VPS13B: variants seen among roughly 807,000 people sequenced by gnomAD.
VPS13B encodes vacuolar protein sorting 13 homolog B, also known as intermembrane lipid transfer protein VPS13B.
In VPS13B, 285 loss-of-function variants were observed where a neutral mutation model predicts 426.4. The ratio of observed to expected loss-of-function variants is 0.67; its 90% confidence interval spans 0.61 to 0.74. The LOEUF (loss-of-function observed/expected upper bound fraction) is 0.74. VPS13B is among the 30% of genes least tolerant of loss of function. The pLI is 0.00. For missense variants in VPS13B, 4,537 were observed against 4,782.6 expected, an observed-to-expected ratio of 0.95 and a Z score of 1.51; for synonymous variants, 1,676 against 1,676.4, an observed-to-expected ratio of 1.00 and a Z score of 0.01.
At chr8:99,383,382 C>T (rs1813936752) in intron 19 of VPS13B, among the ~76,000 whole-genome samples, 1 of 151,880 alleles carries the variant, frequency 6.6e-6, no homozygotes, top group Non-Finnish European at 1.5e-5. Flanking sequence ...AATATTTTAC[C>T]TAAAGTATTC....
chr8:99,680,576 T>C (rs1289667873), intron 35 of VPS13B, among the ~76,000 whole-genome samples: 1 of 152,202 alleles, frequency 6.6e-6, no homozygotes, highest in Non-Finnish European at 1.5e-5. Context: ...CAGGCATGGG[T>C]TTACTTAAAG....
At chr8:99,497,350 C>T (rs1307289491) in intron 25 of VPS13B, among the ~76,000 whole-genome samples, 1 of 139,198 alleles carries the variant, frequency 7.2e-6, no homozygotes, top group Non-Finnish European at 1.6e-5. Context: ...TACATATATA[C>T]ATAAAATAAT....
At chr8:99,084,624 A>G (rs1845671065) in intron 3 of VPS13B, among the ~76,000 whole-genome samples, 1 of 152,156 alleles carries the variant, frequency 6.6e-6, no homozygotes, top group Non-Finnish European at 1.5e-5. Flanking sequence ...CACTGCTTTG[A>G]ATGTGTCCCA....
chr8:99,163,152 A>G (rs1383787599), intron 15 of VPS13B, among the ~76,000 whole-genome samples: 14 of 150,336 alleles, frequency 9.3e-5, no homozygotes, highest in Admixed American at 7.3e-4. Flanking sequence ...GTGTATTTAC[A>G]ATCCCTGAGC....
At chr8:99,271,232 A>G (rs897389304) in intron 17 of VPS13B, among the ~76,000 whole-genome samples, 12 of 150,822 alleles carry the variant, frequency 8.0e-5, no homozygotes, top group Admixed American at 1.3e-4. Context: ...TACTACTACT[A>G]CTACTACTAC....
Position 99,794,659 on chromosome 8 carries a change from A to G in VPS13B, c.7941+10183A>G, listed in dbSNP as rs183595084. Among the ~76,000 whole-genome samples the G allele has an allele frequency of 1.3e-3, 192 of 152,276 alleles. 1 individual carries two copies. The highest frequency in any genetic ancestry group is 6.7e-3 in the Admixed American group (103 of 15,294). ...TGCTGGTAGAATTTTGAAGGTTCAG[A>G]GTCCTCTTTTCATTTTGTACTGTCT... On this transcript the variant is annotated intron_variant, in intron 43 of 61. Coordinates refer to ENST00000357162, the MANE Select transcript of VPS13B (RefSeq NM_152564.5).
intron 24 of VPS13B, among the ~76,000 whole-genome samples, chr8:99,473,338 T>G (rs1159876940): frequency 1.3e-5 from 2 of 152,160 alleles, no homozygotes; most frequent in Middle Eastern, 3.4e-3. Flanking sequence ...GGAATTATCT[T>G]AAAAATGCAA....
chr8:99,875,560 C>T lies in VPS13B; in HGVS notation c.11888C>T (p.Ser3963Phe). 6.2e-7 allele frequency: 1 copy of T among 1,614,178 alleles called. No homozygotes were observed. The highest frequency in any genetic ancestry group is 8.5e-7 in the Non-Finnish European group (1 of 1,180,046). The change falls in exon 62 of 62, where the codon TCC becomes TTC. Residue 3963 changes from serine (S) to phenylalanine (F), a missense_variant. Coordinates refer to ENST00000357162, the MANE Select transcript of VPS13B (RefSeq NM_152564.5). ...CPVVAAEPPP[S>F]TVKTYHYLVD... ...GTGGTGGCTGCAGAACCTCCCCCCT[C>T]CACTGTTAAAACATACCATTACCTG...
chr8:99,231,972 T>A (rs748163594), intron 17 of VPS13B, among the ~76,000 whole-genome samples: 1 of 152,212 alleles, frequency 6.6e-6, no homozygotes, highest in Non-Finnish European at 1.5e-5. Flanking sequence ...GGTTCCTGTT[T>A]TCTTCTTCCA....
At chr8:99,033,470 A>C (rs919218526) in intron 2 of VPS13B, among the ~76,000 whole-genome samples, 1 of 152,190 alleles carries the variant, frequency 6.6e-6, no homozygotes, top group African/African-American at 2.4e-5. Context: ...TCTGCTGCTG[A>C]GCCCTTCTAG....
chr8:99,181,377 T>C (rs1435726732), intron 16 of VPS13B, among the ~76,000 whole-genome samples: 1 of 152,182 alleles, frequency 6.6e-6, no homozygotes, highest in Non-Finnish European at 1.5e-5. Context: ...GATGGTGTTA[T>C]GTGAGTGGTA....
At chr8:99,831,910 T>C (rs1180588894) in intron 51 of VPS13B, among the ~76,000 whole-genome samples, 3 of 152,184 alleles carry the variant, frequency 2.0e-5, no homozygotes, top group Non-Finnish European at 2.9e-5. Context: ...AATATTCCCA[T>C]GTCCCCAACC....
intron 23 of VPS13B, among the ~76,000 whole-genome samples, chr8:99,458,050 A>G (rs1315495502): frequency 6.6e-6 from 1 of 151,418 alleles, no homozygotes; most frequent in African/African-American, 2.4e-5. Flanking sequence ...ATATCTCCCA[A>G]TGCTATCCCC....
At chr8:99,212,356 G>A (rs952744107) in intron 17 of VPS13B, among the ~76,000 whole-genome samples, 10 of 152,224 alleles carry the variant, frequency 6.6e-5, no homozygotes, top group African/African-American at 2.4e-4. Context: ...AAACCAATGA[G>A]ATGTCACAGG....
intron 39 of VPS13B, among the ~76,000 whole-genome samples, chr8:99,723,285 G>A (rs997131837): frequency 6.6e-6 from 1 of 152,140 alleles, no homozygotes; most frequent in Non-Finnish European, 1.5e-5. Flanking sequence ...CATAGCAAAT[G>A]TTATATAAGT....
At chr8:99,786,764 T>TA (rs1278904973) in intron 43 of VPS13B, among the ~76,000 whole-genome samples, 2 of 152,268 alleles carry the variant, frequency 1.3e-5, no homozygotes, top group South Asian at 2.1e-4. Context: ...ATAATATTTA[T>TA]AAAAAACGAC....
intron 16 of VPS13B, among the ~76,000 whole-genome samples, chr8:99,176,071 A>T (rs1204082421): frequency 6.6e-6 from 1 of 152,080 alleles, no homozygotes; most frequent in Non-Finnish European, 1.5e-5. Flanking sequence ...TGCAATAGAA[A>T]GTGATCTGTC....
chr8:99,213,578 T>C (rs962711362), intron 17 of VPS13B, among the ~76,000 whole-genome samples: 41 of 152,178 alleles, frequency 2.7e-4, no homozygotes, highest in Non-Finnish European at 2.4e-4. Context: ...TACATACTTT[T>C]CTCTTCTCTG....
At chr8:99,614,280 T>C (rs1414840891) in intron 33 of VPS13B, among the ~76,000 whole-genome samples, 1 of 151,504 alleles carries the variant, frequency 6.6e-6, no homozygotes, top group Non-Finnish European at 1.5e-5. Flanking sequence ...CACATATATA[T>C]ATATATGTAT....
Sources: allele counts gnomAD v4.1 joint callset (sites outside exome capture counted in the v4.1 genomes callset), GRCh38; gene constraint gnomAD v4.1.1; transcripts MANE v1.5; gene names NCBI Gene and HGNC (gene_info 2026-07-23, HGNC 2026-07-21).